Variants in UBE2A observed in about 807,000 individuals in gnomAD.
UBE2A encodes ubiquitin conjugating enzyme E2 A.
For synonymous variants in UBE2A, 39 were observed against 41.1 expected (o/e 0.95, Z 0.20); for missense variants, 27 against 125.8 (o/e 0.21, Z 3.76).
intron 3 of UBE2A, among the ~76,000 whole-genome samples, chrX:119,579,338 C>G (rs191897073): frequency 1.8e-4 from 20 of 111,782 alleles, no homozygotes; most frequent in African/African-American, 6.2e-4. Flanking sequence ...TGATGTAGAC[C>G]TAAAAGTACT....
intron 2 of UBE2A, 147 bp downstream of exon 2, chrX:119,575,128 G>A (rs1307632643): frequency 6.2e-6 from 5 of 810,502 alleles, no homozygotes; most frequent in Non-Finnish European, 9.1e-6. Context: ...CGGAGCCTGT[G>A]CCTCGATTAG....
At position 119,583,214 on chromosome X, in the gene UBE2A, C is replaced by T. The variant is rs750065927; in HGVS notation, c.418C>T (p.Arg140Cys). 1 of 1,211,649 alleles carries T rather than the reference C, an allele frequency of 8.3e-7. No homozygotes were observed. Among genetic ancestry groups the T allele is most frequent in the Non-Finnish European group, 1.1e-6 (1 of 895,484 alleles). ...GGAGAACAAACGGGAATATGAAAAG[C>T]GTGTTTCTGCAATAGTAGAACAAAG... Reference protein sequence around the residue: ...YQENKREYEKRVSAIVEQSWR... With the variant: ...YQENKREYEKCVSAIVEQSWR... The change falls in exon 6 of 6, where the codon CGT (arginine) becomes TGT (cysteine). Residue 140 changes from arginine to cysteine, a missense_variant. By Grantham distance (180) the Arg-to-Cys change is radical (BLOSUM62 -3). Coordinates refer to ENST00000371558, the MANE Select transcript of UBE2A (RefSeq NM_003336.4).
intron 3 of UBE2A, chrX:119,580,604 AAAT>A (rs1169836488): frequency 1.8e-5 from 2 of 112,448 alleles, no homozygotes; most frequent in Non-Finnish European, 3.8e-5. Flanking sequence ...AAACAATTGA[AAAT>A]AATATTTTAA....
At chrX:119,581,998 GC>G (rs2053453704) in intron 4 of UBE2A, among the ~76,000 whole-genome samples, 1 of 111,924 alleles carries the variant, frequency 8.9e-6, no homozygotes, top group African/African-American at 3.2e-5. Context: ...AGATGCCTTC[GC>G]CCCACTCCAA....
intron 5 of UBE2A, 82 bp downstream of exon 5, chrX:119,582,758 T>TAATA: frequency 2.5e-6 from 2 of 797,431 alleles, no homozygotes; most frequent in Non-Finnish European, 3.7e-6. Flanking sequence ...AGTCATAATG[T>TAATA]AATAGATCTT....
chrX:119,579,344 G>A (rs1284191905), intron 3 of UBE2A, among the ~76,000 whole-genome samples: 1 of 111,870 alleles, frequency 8.9e-6, no homozygotes, highest in Non-Finnish European at 1.9e-5. Context: ...AGACCTAAAA[G>A]TACTGTTTAA....
intron 4 of UBE2A, among the ~76,000 whole-genome samples, chrX:119,582,108 ATAG>A (rs2053454487): frequency 8.9e-6 from 1 of 112,558 alleles, no homozygotes; most frequent in Non-Finnish European, 1.9e-5. Flanking sequence ...ACTTTTTAAA[ATAG>A]TAGTAAGCCT....
chrX:119,579,433 A>T (rs754497263), intron 3 of UBE2A, among the ~76,000 whole-genome samples: 1 of 112,104 alleles, frequency 8.9e-6, no homozygotes, highest in Non-Finnish European at 1.9e-5. Context: ...GAGTCTAGAG[A>T]TGTGAAACTT....
chrX:119,578,323 CATA>C (rs1342272675), intron 3 of UBE2A, among the ~76,000 whole-genome samples: 3 of 112,016 alleles, frequency 2.7e-5, no homozygotes, highest in Admixed American at 9.5e-5. Context: ...ATCTTCATCA[CATA>C]ATCTAAAAAT....
intron 3 of UBE2A, 125 bp downstream of exon 3, chrX:119,575,525 T>G: frequency 1.1e-6 from 1 of 877,707 alleles, no homozygotes; most frequent in Non-Finnish European, 1.7e-6. Flanking sequence ...TGCTAAAGGC[T>G]TGAGTGGAAT....
intron 3 of UBE2A, among the ~76,000 whole-genome samples, chrX:119,577,891 C>T (rs768116393): frequency 1.8e-5 from 2 of 110,699 alleles, no homozygotes; most frequent in East Asian, 5.6e-4. Context: ...ATCCGCCCAC[C>T]TCGGCCTCCC....
chrX:119,579,905 CAA>C (rs756901156), intron 3 of UBE2A, among the ~76,000 whole-genome samples: 6 of 111,753 alleles, frequency 5.4e-5, no homozygotes, highest in African/African-American at 9.8e-5. Context: ...TAAGGAAACT[CAA>C]AGTTTTGAAC....
intron 2 of UBE2A, 135 bp from the exon 3 acceptor site, chrX:119,575,240 G>C (rs1370512367): frequency 2.1e-6 from 2 of 955,638 alleles, no homozygotes; most frequent in East Asian, 3.1e-5. Flanking sequence ...CTCTGAGCCC[G>C]GGACATCCAT....
chrX:119,576,439 A>C (rs2053416462), intron 3 of UBE2A, among the ~76,000 whole-genome samples: 1 of 111,654 alleles, frequency 9.0e-6, no homozygotes, highest in African/African-American at 3.3e-5. Flanking sequence ...AGGTTTTAAA[A>C]AAAAGGAAAA....
Position 119,574,678 on chromosome X carries a change from C to T in UBE2A, c.-34C>T, listed in dbSNP as rs1569405199. On this transcript the variant is annotated 5_prime_UTR_variant, in exon 1 of 6. Coordinates refer to ENST00000371558, the MANE Select transcript of UBE2A (RefSeq NM_003336.4). ...CGCCCGCCGCGGGAACCCGAGACCC[C>T]AGTGTATGCCCCACCCCTGACCCCG... 19 of 1,187,579 alleles carry T rather than the reference C, an allele frequency of 1.6e-5. No homozygotes were observed. Among genetic ancestry groups the T allele is most frequent in the Non-Finnish European group, 2.0e-5 (18 of 884,234 alleles).
chrX:119,582,474 A>T (rs1005125061), intron 4 of UBE2A, 114 bp from the exon 5 acceptor site: 6 of 499,752 alleles, frequency 1.2e-5, no homozygotes, highest in Non-Finnish European at 2.0e-5. Flanking sequence ...GGGAAGCAAC[A>T]TAGGAATCTT....
intron 3 of UBE2A, chrX:119,580,642 T>C (rs1198902204): frequency 8.9e-6 from 1 of 112,385 alleles, no homozygotes; most frequent in Non-Finnish European, 1.9e-5. Flanking sequence ...TCATATCACA[T>C]CTTAACAATT....
At chrX:119,575,550 G>A in intron 3 of UBE2A, 150 bp downstream of exon 3, 1 of 727,424 alleles carries the variant, frequency 1.4e-6, no homozygotes, top group Non-Finnish European at 2.1e-6. Context: ...TGTGTGGCTG[G>A]TGGTTCTGGA....
In UBE2A at chrX:119,582,679, G is replaced by A. The variant is rs2053457664; in HGVS notation, c.330+3G>A. ...CTTCCATTCTAACATCCATACAGGT[G>A]AATTTTTCCTTAATGTGACGAACTA... On this transcript the variant is annotated splice_donor_region_variant and intron_variant, in intron 5 of 5. Coordinates refer to ENST00000371558, the MANE Select transcript of UBE2A (RefSeq NM_003336.4). The A allele has an allele frequency of 2.5e-6, 3 of 1,181,747 alleles. No homozygotes were observed. The highest frequency in any genetic ancestry group is 2.2e-5 in the Admixed American group (1 of 45,638).
Sources: gnomAD v4.1 joint callset for allele counts (sites outside exome capture counted in the v4.1 genomes callset) on GRCh38, gnomAD v4.1.1 for gene constraint, MANE v1.5 for transcripts, NCBI Gene and HGNC (gene_info 2026-07-23, HGNC 2026-07-21) for gene names.